RPS6KA2: variants seen among roughly 807,000 people sequenced by gnomAD.
RPS6KA2 encodes the protein ribosomal protein S6 kinase alpha-2.
A neutral mutation model predicts 91.8 loss-of-function variants in RPS6KA2; 42 were observed. That is an observed-to-expected ratio of 0.46 (90% confidence interval 0.36 to 0.59). The LOEUF is 0.59. Ranked by LOEUF, RPS6KA2 falls within the 20% of genes least tolerant of loss-of-function variation. The pLI, the probability that RPS6KA2 is intolerant of heterozygous loss-of-function variation, is 0.00. For missense variants in RPS6KA2, 798 were observed against 978.5 expected (o/e 0.82, Z 2.46); for synonymous variants, 414 against 393.6 (o/e 1.05, Z -0.61).
At chr6:166,611,444 G>A (rs1786172287) in intron 1 of RPS6KA2, among the ~76,000 whole-genome samples, 1 of 152,210 alleles carries the variant, frequency 6.6e-6, no homozygotes, top group African/African-American at 2.4e-5. Flanking sequence ...CTGGCCAGAG[G>A]ACCTTTTCAA....
intron 2 of RPS6KA2, among the ~76,000 whole-genome samples, chr6:166,650,715 TG>T (rs1049471812): frequency 2.0e-5 from 3 of 152,210 alleles, no homozygotes; most frequent in Non-Finnish European, 4.4e-5. Context: ...AAACTCAAAT[TG>T]TTGGCTTCAA....
chr6:166,835,627 T>C (rs1780298592), intron 2 of RPS6KA2, among the ~76,000 whole-genome samples: 1 of 152,196 alleles, frequency 6.6e-6, no homozygotes, highest in African/African-American at 2.4e-5. Context: ...AACACGTGAG[T>C]CTTAATAGCT....
At chr6:166,461,251 C>T (rs962840218) in intron 11 of RPS6KA2, among the ~76,000 whole-genome samples, 3 of 152,168 alleles carry the variant, frequency 2.0e-5, no homozygotes, top group Non-Finnish European at 2.9e-5. Flanking sequence ...CTCTTCAAGC[C>T]ATTTTCAGAA....
chr6:166,660,188 C>A (rs528805904), intron 2 of RPS6KA2, among the ~76,000 whole-genome samples: 2 of 152,312 alleles, frequency 1.3e-5, no homozygotes, highest in East Asian at 1.9e-4. Context: ...TAGATGGATA[C>A]ATGATGCCAC....
At chr6:166,794,926 C>G (rs1332299964) in intron 2 of RPS6KA2, among the ~76,000 whole-genome samples, 2 of 151,472 alleles carry the variant, frequency 1.3e-5, no homozygotes, top group Non-Finnish European at 2.9e-5. Flanking sequence ...TGCAGCAACA[C>G]CAACATGGCA....
At chr6:166,824,702 T>G (rs1023679445) in intron 2 of RPS6KA2, among the ~76,000 whole-genome samples, 1 of 130,094 alleles carries the variant, frequency 7.7e-6, no homozygotes, top group Non-Finnish European at 1.6e-5. Flanking sequence ...TGTCTGTGTC[T>G]GTGTGTGTGT....
intron 1 of RPS6KA2, among the ~76,000 whole-genome samples, chr6:166,550,246 T>A (rs1783954299): frequency 6.6e-6 from 1 of 152,222 alleles, no homozygotes; most frequent in Non-Finnish European, 1.5e-5. Context: ...TGATAAACTA[T>A]GCGACATTCC....
At chr6:166,713,055 G>A (rs140027805) in intron 2 of RPS6KA2, among the ~76,000 whole-genome samples, 1 of 152,346 alleles carries the variant, frequency 6.6e-6, no homozygotes, top group Non-Finnish European at 1.5e-5. Context: ...GTCTGTCCCT[G>A]GAGGTGGCGT....
chr6:166,601,572 G>A (rs925749606), intron 1 of RPS6KA2, among the ~76,000 whole-genome samples: 2 of 152,194 alleles, frequency 1.3e-5, no homozygotes, highest in Admixed American at 6.5e-5. Context: ...TTAGACACAT[G>A]AAACAGAATA....
Position 166,665,577 on chromosome 6 carries a change from C to G in RPS6KA2, c.124-126793G>C, listed in dbSNP as rs1788290433. 6.6e-6 allele frequency among the ~76,000 whole-genome samples: 1 copy of G among 152,096 alleles called. No individual in the cohort carries two copies. Among genetic ancestry groups the G allele is most frequent in the African/African-American group, 2.4e-5 (1 of 41,408 alleles). ...AGGGACAGCAGCCAGGGCACAGATG[C>G]AAACTACTTTCAGAAACGTGTTCTC... is the stretch of plus-strand genomic sequence containing the variant. On this transcript the variant is annotated intron_variant, in intron 2 of 21. Transcript: ENST00000503859. The surrounding 1 kb of genome is among the most constrained non-coding windows in gnomAD (Gnocchi z 4.5).
chr6:166,615,254 G>C (rs1312973824), intron 1 of RPS6KA2, among the ~76,000 whole-genome samples: 2 of 152,206 alleles, frequency 1.3e-5, no homozygotes, highest in Non-Finnish European at 2.9e-5. Context: ...ACTGGGGGCT[G>C]AGCCATGCGA....
chr6:166,767,774 A>AAC lies in RPS6KA2; in HGVS notation c.123+90424_123+90425dup, dbSNP rs71639661. On this transcript the variant is annotated intron_variant, in intron 2 of 21. Coordinates refer to the RPS6KA2 transcript ENST00000503859. The surrounding 1 kb of genome is among the most constrained non-coding windows in gnomAD (Gnocchi z 4.6). The stretch of plus-strand genomic sequence containing the variant: ...AAGAACTAAAGACAATACCTCCTCA[A>AAC]ACACACACACACACACACACACACA... 0.029 allele frequency among the ~76,000 whole-genome samples: 4,331 copies of AAC among 146,854 alleles called. 94 individuals carry two copies. The highest frequency in any genetic ancestry group is 0.071 in the Admixed American group (1,057 of 14,792).
chr6:166,670,128 C>T (rs1232857483), intron 2 of RPS6KA2, among the ~76,000 whole-genome samples: 2 of 152,264 alleles, frequency 1.3e-5, no homozygotes, highest in Admixed American at 1.3e-4. Flanking sequence ...ATGTACACTT[C>T]CAGTCACAGG....
intron 2 of RPS6KA2, among the ~76,000 whole-genome samples, chr6:166,837,439 C>T (rs950731703): frequency 6.6e-6 from 1 of 152,228 alleles, no homozygotes; most frequent in Non-Finnish European, 1.5e-5. Flanking sequence ...GGCCTTCCCC[C>T]TCCCACTGGC....
intron 2 of RPS6KA2, among the ~76,000 whole-genome samples, chr6:166,694,479 C>T (rs781431916): frequency 3.2e-4 from 48 of 152,174 alleles, no homozygotes; most frequent in Non-Finnish European, 6.3e-4. Context: ...TTTCTAGTAA[C>T]GTCCAGGATA....
At chr6:166,714,924 C>T (rs1328825802) in intron 2 of RPS6KA2, among the ~76,000 whole-genome samples, 1 of 152,234 alleles carries the variant, frequency 6.6e-6, no homozygotes, top group East Asian at 1.9e-4. Flanking sequence ...CTGGTCTGTT[C>T]TCTCTGCTGC....
intron 11 of RPS6KA2, among the ~76,000 whole-genome samples, chr6:166,467,598 A>G (rs1252683362): frequency 6.6e-6 from 1 of 152,166 alleles, no homozygotes; most frequent in Non-Finnish European, 1.5e-5. Flanking sequence ...CCTGGAAGCC[A>G]GACCAGCTGG....
At chr6:166,633,394 T>C (rs1787143007) in intron 2 of RPS6KA2, among the ~76,000 whole-genome samples, 1 of 152,222 alleles carries the variant, frequency 6.6e-6, no homozygotes, top group Non-Finnish European at 1.5e-5. Context: ...ATGCTAAGCA[T>C]GGCACAGCAG....
intron 2 of RPS6KA2, chr6:166,701,148 C>T: frequency 2.5e-6 from 4 of 1,612,060 alleles, no homozygotes; most frequent in Non-Finnish European, 3.4e-6. Flanking sequence ...GTTGTTGCTG[C>T]TGCTTTACCT....
Sources: allele counts gnomAD v4.1 joint callset (sites outside exome capture counted in the v4.1 genomes callset), GRCh38; gene constraint gnomAD v4.1.1; non-coding constraint Gnocchi (gnomAD v3.1); transcripts MANE v1.5; gene names NCBI Gene and HGNC (gene_info 2026-07-23, HGNC 2026-07-21).